The following SLC24A2 variants were observed in gnomAD, a reference collection of about 807,000 sequenced individuals.
SLC24A2 encodes sodium/potassium/calcium exchanger 2.
A neutral mutation model predicts 62.0 loss-of-function variants in SLC24A2; 36 were observed. That is an observed-to-expected ratio of 0.58 (90% CI 0.44 to 0.77). SLC24A2 has a LOEUF of 0.77. Among genes scored for constraint, SLC24A2 ranks in the 30% least tolerant of loss-of-function variants. The probability of loss-of-function intolerance (pLI) is 0.00; values close to 1 mark genes in which losing one functional copy is unlikely to be tolerated. For missense variants in SLC24A2, 846 were observed against 817.9 expected (o/e 1.03, Z -0.42); for synonymous variants, 358 against 294.0 (o/e 1.22, Z -2.23).
At chr9:19,597,332 A>G in intron 4 of SLC24A2, 53 bp from the exon 5 acceptor site, 1 of 1,210,520 alleles carries the variant, frequency 8.3e-7, no homozygotes, top group South Asian at 1.2e-5. Context: ...ATAATGCAAG[A>G]ACTTTGTTTT....
Position 19,544,229 on chromosome 9 carries a change from G to A in SLC24A2, c.1479+5908C>T, listed in dbSNP as rs62561121. On this transcript the variant is annotated intron_variant, in intron 8 of 10. Transcript: ENST00000341998. ...TCTTTGTTGGTTTAAAGTCTGTTTT[G>A]TCGGAGACTAGGATTGCAACCCCTG... Among the ~76,000 whole-genome samples the A allele has an allele frequency of 3.2e-3, 459 of 143,276 alleles. 1 individual carries two copies. The highest frequency in any genetic ancestry group is 0.021 in the Middle Eastern group (6 of 280). 94.0% of individuals were successfully genotyped at this position (143,276 alleles called of 152,430 possible). A position where few individuals can be genotyped will look rare whatever the true frequency, so the allele number is the denominator to read the frequency against.
At chr9:20,087,913 C>T in the SLC24A2 span, among the ~76,000 whole-genome samples, 4 of 152,282 alleles carry the variant, frequency 2.6e-5, no homozygotes, top group South Asian at 2.1e-4. Context: ...CCCAGGGAAG[C>T]GGTGAGTGAG....
At chr9:19,882,102 A>G in the SLC24A2 span, among the ~76,000 whole-genome samples, 1 of 152,128 alleles carries the variant, frequency 6.6e-6, no homozygotes, top group Non-Finnish European at 1.5e-5. Flanking sequence ...CATTCTCTCT[A>G]TTTCCTTGGG....
intron 2 of SLC24A2, among the ~76,000 whole-genome samples, chr9:19,748,187 G>C (rs1385691454): frequency 6.6e-6 from 1 of 152,072 alleles, no homozygotes; most frequent in Non-Finnish European, 1.5e-5. Flanking sequence ...TTCTGGGCAG[G>C]GGCTCACACT....
At chr9:19,726,738 T>C (rs1212510753) in intron 2 of SLC24A2, among the ~76,000 whole-genome samples, 1 of 152,198 alleles carries the variant, frequency 6.6e-6, no homozygotes, top group Admixed American at 6.5e-5. Flanking sequence ...CATAGCTAAA[T>C]TCATTTGCAG....
the SLC24A2 span, among the ~76,000 whole-genome samples, chr9:20,063,202 T>C: frequency 4.0e-5 from 6 of 151,022 alleles, no homozygotes; most frequent in African/African-American, 7.3e-5. Context: ...CGTATGTTTA[T>C]TGTGGCACTA....
the SLC24A2 span, among the ~76,000 whole-genome samples, chr9:19,875,534 G>T: frequency 6.6e-6 from 1 of 152,174 alleles, no homozygotes; most frequent in Non-Finnish European, 1.5e-5. Context: ...GGCTCCATCT[G>T]TGAGCGGAAT....
chr9:19,720,759 TAACA>T (rs1821001822), intron 2 of SLC24A2, among the ~76,000 whole-genome samples: 1 of 143,640 alleles, frequency 7.0e-6, no homozygotes, highest in African/African-American at 2.5e-5. Flanking sequence ...CTCATCTCAA[TAACA>T]AACACTTAAA....
chr9:19,581,615 T>G (rs1836212655), intron 5 of SLC24A2, among the ~76,000 whole-genome samples: 1 of 152,178 alleles, frequency 6.6e-6, no homozygotes, highest in African/African-American at 2.4e-5. Flanking sequence ...ATTATGGAAG[T>G]AGATGACAGG....
chr9:19,530,967 A>G (rs1244483673), intron 8 of SLC24A2, among the ~76,000 whole-genome samples: 1 of 152,138 alleles, frequency 6.6e-6, no homozygotes, highest in African/African-American at 2.4e-5. Flanking sequence ...AACAGGGCCA[A>G]TAATGCTCAA....
chr9:19,556,222 T>C (rs569850178), intron 7 of SLC24A2, among the ~76,000 whole-genome samples: 2 of 152,336 alleles, frequency 1.3e-5, no homozygotes, highest in Admixed American at 6.5e-5. Context: ...TTTAGCTTCT[T>C]TGCATGTACA....
At chr9:20,142,150 T>C in the SLC24A2 span, among the ~76,000 whole-genome samples, 3 of 152,144 alleles carry the variant, frequency 2.0e-5, no homozygotes, top group Non-Finnish European at 4.4e-5. Flanking sequence ...TTGCTTACTA[T>C]TTCCCTTTTT....
chr9:19,822,381 C>T, the SLC24A2 span, among the ~76,000 whole-genome samples: 29 of 152,192 alleles, frequency 1.9e-4, no homozygotes, highest in Non-Finnish European at 5.9e-5. Flanking sequence ...GGAATCTTTT[C>T]AGTTGTTATG....
chr9:20,039,053 CTT>C, the SLC24A2 span, among the ~76,000 whole-genome samples: 1 of 151,870 alleles, frequency 6.6e-6, no homozygotes, highest in Non-Finnish European at 1.5e-5. Context: ...GATGTTAAAA[CTT>C]AAATTAAAAA....
At chr9:20,264,521 G>A in the SLC24A2 span, among the ~76,000 whole-genome samples, 2 of 152,124 alleles carry the variant, frequency 1.3e-5, no homozygotes, top group Non-Finnish European at 2.9e-5. Context: ...CATGACAAGA[G>A]GTGGAGGTGA....
chr9:19,869,290 G>A, the SLC24A2 span, among the ~76,000 whole-genome samples: 501 of 152,268 alleles, frequency 3.3e-3, 1 homozygote, highest in African/African-American at 0.012. Context: ...CTATTTATGG[G>A]ACTTATGTCT....
At chr9:19,911,733 C>T in the SLC24A2 span, among the ~76,000 whole-genome samples, 3 of 152,268 alleles carry the variant, frequency 2.0e-5, no homozygotes, top group South Asian at 6.2e-4. Flanking sequence ...TCTTAGCTTT[C>T]CACTCAGCCT....
the SLC24A2 span, among the ~76,000 whole-genome samples, chr9:19,855,738 A>G: frequency 2.0e-5 from 3 of 152,006 alleles, no homozygotes; most frequent in Non-Finnish European, 4.4e-5. Flanking sequence ...CTTCATTTCA[A>G]CCATGGAGAA....
At chr9:19,803,045 G>T in the SLC24A2 span, among the ~76,000 whole-genome samples, 1 of 152,106 alleles carries the variant, frequency 6.6e-6, no homozygotes, top group Non-Finnish European at 1.5e-5. Flanking sequence ...TGAATCTGTT[G>T]ACACTTTGAT....
Sources: gnomAD v4.1 joint callset for allele counts (sites outside exome capture counted in the v4.1 genomes callset) on GRCh38, gnomAD v4.1.1 for gene constraint, MANE v1.5 for transcripts, NCBI Gene and HGNC (gene_info 2026-07-23, HGNC 2026-07-21) for gene names.